KANK1: variants seen among roughly 807,000 people sequenced by gnomAD.
KANK1 encodes the protein KN motif and ankyrin repeat domain-containing protein 1.
KANK1 carries 109 observed loss-of-function variants against 106.2 expected under a neutral mutation model. The ratio of observed to expected loss-of-function variants is 1.03; its 90% CI spans 0.88 to 1.20. The LOEUF (loss-of-function observed/expected upper bound fraction) is 1.20, where lower values mean the gene tolerates loss of function less well. KANK1 is among the 50% of genes most tolerant of loss of function. The probability of loss-of-function intolerance (pLI) is 0.00; values close to 1 mark genes in which losing one functional copy is unlikely to be tolerated. For missense variants in KANK1, 2,399 were observed against 1,710.7 expected (o/e 1.40, Z -7.10); for synonymous variants, 873 against 652.2 (o/e 1.34, Z -5.16).
At chr9:710,763 G>A (rs1410449220) in intron 2 of KANK1, 41 bp from the exon 3 acceptor site, 8 of 1,520,342 alleles carry the variant, frequency 5.3e-6, no homozygotes, top group African/African-American at 1.4e-5. Flanking sequence ...ACCATTAGGT[G>A]TATTGCATGT....
intron 3 of KANK1, among the ~76,000 whole-genome samples, chr9:715,996 C>T (rs1827594072): frequency 6.6e-6 from 1 of 152,200 alleles, no homozygotes; most frequent in Non-Finnish European, 1.5e-5. Flanking sequence ...GAATAGCACT[C>T]ACCACAGTCT....
At chr9:548,976 T>G (rs2061103859) in intron 1 of KANK1, 1 of 152,064 alleles carries the variant, frequency 6.6e-6, no homozygotes, top group South Asian at 2.1e-4. Context: ...GACAGAAATT[T>G]TATGGTCTGG....
Position 713,037 on chromosome 9 carries a change from A to C in KANK1, c.2271A>C (p.Lys757Asn), listed in dbSNP as rs538447950. ...GFDRPSAVKT[K>N]ESGVGQININ... ...ACAGGCCATCAGCTGTGAAGACCAA[A>C]GAGTCAGGTGTGGGGCAGATAAATA... is the stretch of plus-strand genomic sequence containing the variant. The change falls in exon 3 of 12, where the codon AAA becomes AAC. Residue 757 changes from lysine to asparagine, a missense_variant. Lys to Asn is a moderately conservative substitution (Grantham distance 94, BLOSUM62 0). Coordinates refer to ENST00000382297, the MANE Select transcript of KANK1 (RefSeq NM_015158.5). The C allele has an allele frequency of 1.2e-6, 2 of 1,614,224 alleles. No homozygotes were observed. The highest frequency in any genetic ancestry group is 1.7e-6 in the Non-Finnish European group (2 of 1,180,038).
intron 3 of KANK1, among the ~76,000 whole-genome samples, chr9:725,305 C>G (rs1392384131): frequency 6.6e-6 from 1 of 151,906 alleles, no homozygotes; most frequent in Non-Finnish European, 1.5e-5. Context: ...CCAGGCTAAC[C>G]AACATGGTAA....
intron 1 of KANK1, among the ~76,000 whole-genome samples, chr9:638,865 A>T (rs1837740889): frequency 1.3e-5 from 2 of 152,178 alleles, no homozygotes; most frequent in African/African-American, 4.8e-5. Context: ...CCAGGAAGAG[A>T]CAGATAAAAG....
At chr9:678,468 C>T (rs1816841633) in intron 2 of KANK1, among the ~76,000 whole-genome samples, 1 of 152,142 alleles carries the variant, frequency 6.6e-6, no homozygotes, top group African/African-American at 2.4e-5. Flanking sequence ...GTGGCTCACA[C>T]CTGTAATCCC....
At chr9:507,905 C>G (rs1370855935) in intron 1 of KANK1, among the ~76,000 whole-genome samples, 1 of 151,616 alleles carries the variant, frequency 6.6e-6, no homozygotes, top group Admixed American at 6.6e-5. Flanking sequence ...AGGCTGGTCT[C>G]CAACTCCTGA....
At chr9:519,975 A>G (rs748870575) in intron 1 of KANK1, among the ~76,000 whole-genome samples, 2 of 151,844 alleles carry the variant, frequency 1.3e-5, no homozygotes, top group East Asian at 1.9e-4. Context: ...ACTTAAAACA[A>G]TACATTTTAA....
chr9:619,613 G>A (rs1357055974), intron 1 of KANK1, among the ~76,000 whole-genome samples: 1 of 152,096 alleles, frequency 6.6e-6, no homozygotes, highest in Non-Finnish European at 1.5e-5. Context: ...AAAGATAAGT[G>A]ATGATCCACA....
chr9:669,174 G>C (rs1028094613), intron 1 of KANK1, among the ~76,000 whole-genome samples: 3 of 152,190 alleles, frequency 2.0e-5, no homozygotes, highest in East Asian at 1.9e-4. Flanking sequence ...GATTGCTGTA[G>C]CTGTTAGGGT....
At chr9:642,154 C>A (rs1028080862) in intron 1 of KANK1, among the ~76,000 whole-genome samples, 1 of 152,220 alleles carries the variant, frequency 6.6e-6, no homozygotes, top group African/African-American at 2.4e-5. Flanking sequence ...AACCAGCTTA[C>A]TTCTGACACG....
chr9:506,667 G>T (rs1012365953), intron 1 of KANK1, among the ~76,000 whole-genome samples: 1 of 152,264 alleles, frequency 6.6e-6, no homozygotes, highest in South Asian at 2.1e-4. Flanking sequence ...CAGGCAAATG[G>T]CCACTGGAAT....
intron 1 of KANK1, among the ~76,000 whole-genome samples, chr9:658,819 G>T (rs1161015238): frequency 1.3e-5 from 2 of 152,078 alleles, no homozygotes; most frequent in Admixed American, 6.5e-5. Flanking sequence ...CTATTTCTGG[G>T]CTGTATGCTG....
chr9:649,909 C>T (rs752704104), intron 1 of KANK1, among the ~76,000 whole-genome samples: 55 of 152,138 alleles, frequency 3.6e-4, no homozygotes, highest in Non-Finnish European at 7.2e-4. Flanking sequence ...AGCTTCTCTG[C>T]GTCATCCCCG....
In KANK1 at chr9:745,223, T is replaced by G; in HGVS notation, c.4047T>G (p.Gly1349=). 2 of 1,614,114 alleles carry G rather than the reference T, an allele frequency of 1.2e-6. No homozygotes were observed. The highest frequency in any genetic ancestry group is 1.7e-6 in the Non-Finnish European group (2 of 1,179,984). The part of the protein sequence containing the change: ...RKTSPGPTHR[G]SFD ...CGTCTCCTGGCCCCACCCACCGAGG[T>G]TCATTTGATTGATTGTATGCAAATA... is the stretch of plus-strand genomic sequence containing the variant. Residue 1349 remains glycine, a synonymous_variant, in exon 12 of 12, where the codon GGT becomes GGG. Transcript: ENST00000382297.
chr9:726,645 G>A (rs10976090), intron 3 of KANK1, among the ~76,000 whole-genome samples: 10,571 of 151,802 alleles, frequency 0.07, 911 homozygotes, highest in African/African-American at 0.19. Context: ...CTCGAAAGAA[G>A]AAAACTTGAA....
At chr9:638,270 G>C (rs1371660065) in intron 1 of KANK1, among the ~76,000 whole-genome samples, 1 of 152,188 alleles carries the variant, frequency 6.6e-6, no homozygotes, top group Non-Finnish European at 1.5e-5. Flanking sequence ...AGGCTGAGAA[G>C]TCCAAGATCA....
chr9:550,913 C>G (rs1247357859), intron 1 of KANK1, among the ~76,000 whole-genome samples: 2 of 152,114 alleles, frequency 1.3e-5, no homozygotes, highest in Non-Finnish European at 1.5e-5. Flanking sequence ...TTAGCAGTTT[C>G]TCCAGGAAAA....
chr9:687,384 TCTAA>T (rs755366885), intron 2 of KANK1, among the ~76,000 whole-genome samples: 3 of 152,202 alleles, frequency 2.0e-5, no homozygotes, highest in Non-Finnish European at 2.9e-5. Context: ...AACTTTAATC[TCTAA>T]CTATTATTCC....
Sources: allele counts gnomAD v4.1 joint callset (sites outside exome capture counted in the v4.1 genomes callset), GRCh38; gene constraint gnomAD v4.1.1; transcripts MANE v1.5; gene names NCBI Gene and HGNC (gene_info 2026-07-23, HGNC 2026-07-21).